LIPA: variants seen among roughly 807,000 people sequenced by gnomAD.
LIPA encodes lipase A, lysosomal acid type, also known as lysosomal acid lipase/cholesteryl ester hydrolase.
A neutral mutation model predicts 40.6 loss-of-function variants in LIPA; 26 were observed. The ratio of observed to expected loss-of-function variants is 0.64; its 90% CI spans 0.47 to 0.89. The LOEUF is 0.89. Among genes scored for constraint, LIPA ranks in the 40% least tolerant of loss-of-function variants. LIPA has a pLI of 0.00. For synonymous variants in LIPA, 188 were observed against 168.4 expected (o/e 1.12, Z -0.90); for missense variants, 455 against 479.6 (o/e 0.95, Z 0.48).
In LIPA at chr10:89,215,995, T is replaced by C; in HGVS notation, c.909A>G (p.Gln303=). 6.2e-7 allele frequency: 1 copy of C among 1,610,258 alleles called. No individual in the cohort carries two copies. Among genetic ancestry groups the C allele is most frequent in the Non-Finnish European group, 8.5e-7 (1 of 1,176,440 alleles). The change falls in exon 9 of 10, where the codon CAA becomes CAG. Residue 303 remains glutamine, a synonymous_variant. Coordinates refer to ENST00000336233, the MANE Select transcript of LIPA (RefSeq NM_000235.4). Reference sequence around the variant, plus strand: ...TTCCCCAGTCAAAGGCTTGAAACTTTTGGAATTTAACAGCCTAAAAAGAAG... The same window carrying C: ...TTCCCCAGTCAAAGGCTTGAAACTTCTGGAATTTAACAGCCTAAAAAGAAG... ...MLHWSQAVKF[Q]KFQAFDWGSS...
chr10:89,350,681 GAAAC>G (rs1347006276), intron 2 of LIPA, among the ~76,000 whole-genome samples: 2 of 152,116 alleles, frequency 1.3e-5, no homozygotes, highest in Non-Finnish European at 2.9e-5. Flanking sequence ...ACAGAAGAGA[GAAAC>G]AAAGGCAGTT....
intron 2 of LIPA, among the ~76,000 whole-genome samples, chr10:89,357,091 A>G (rs990658353): frequency 1.3e-5 from 2 of 152,198 alleles, no homozygotes; most frequent in Non-Finnish European, 2.9e-5. Flanking sequence ...AAACTCAGGC[A>G]TGGTTGAAAG....
chr10:89,367,759 G>A (rs1844069812), intron 2 of LIPA, among the ~76,000 whole-genome samples: 2 of 152,150 alleles, frequency 1.3e-5, no homozygotes, highest in South Asian at 4.1e-4. Context: ...GTGTATTTGG[G>A]TAATTACTGC....
At chr10:89,289,414 C>T (rs1414406797) in intron 1 of LIPA, among the ~76,000 whole-genome samples, 3 of 152,150 alleles carry the variant, frequency 2.0e-5, no homozygotes, top group African/African-American at 7.2e-5. Context: ...ACACACTAAG[C>T]TCGGGGATTT....
intron 1 of LIPA, among the ~76,000 whole-genome samples, chr10:89,329,297 G>A (rs1391755816): frequency 1.3e-5 from 2 of 152,170 alleles, no homozygotes; most frequent in Non-Finnish European, 2.9e-5. Flanking sequence ...TCAGTATATA[G>A]AATACCCTTT....
chr10:89,379,879 C>G (rs1307463653), intron 2 of LIPA, among the ~76,000 whole-genome samples: 2 of 151,900 alleles, frequency 1.3e-5, no homozygotes, highest in Non-Finnish European at 1.5e-5. Context: ...CTAAAAAATA[C>G]AAAAAATTAG....
At chr10:89,277,643 C>G (rs1589586495) in intron 1 of LIPA, among the ~76,000 whole-genome samples, 1 of 152,246 alleles carries the variant, frequency 6.6e-6, no homozygotes, top group East Asian at 1.9e-4. Flanking sequence ...ACAGAGAATA[C>G]AGAAAACAAC....
At chr10:89,407,010 G>A (rs777518992) in intron 2 of LIPA, among the ~76,000 whole-genome samples, 66 of 152,126 alleles carry the variant, frequency 4.3e-4, no homozygotes, top group African/African-American at 1.6e-3. Context: ...CTAAAGACAC[G>A]GGTGTCAGGC....
At chr10:89,343,759 C>T (rs1843892553), upstream of LIPA, among the ~76,000 whole-genome samples, 1 of 152,108 alleles carries the variant, frequency 6.6e-6, no homozygotes, top group African/African-American at 2.4e-5. Context: ...TGGGGCCTCC[C>T]GATTGCCATA....
intron 2 of LIPA, among the ~76,000 whole-genome samples, chr10:89,358,467 T>C (rs967510577): frequency 1.3e-5 from 2 of 152,218 alleles, no homozygotes; most frequent in African/African-American, 2.4e-5. Context: ...CAAAGCGATA[T>C]CTGTATTCTC....
chr10:89,241,823 A>G (rs1249119114), intron 3 of LIPA, among the ~76,000 whole-genome samples: 2 of 152,162 alleles, frequency 1.3e-5, no homozygotes, highest in Non-Finnish European at 2.9e-5. Flanking sequence ...TATAAAATAT[A>G]TATTGTGCCT....
intron 1 of LIPA, among the ~76,000 whole-genome samples, chr10:89,267,749 TA>T (rs55980603): frequency 0.12 from 15,802 of 135,312 alleles, 1,438 homozygotes; most frequent in African/African-American, 0.26. Context: ...AAAAGAAACT[TA>T]AAAAAAAAAA....
chr10:89,324,515 C>G (rs892658948), intron 1 of LIPA, among the ~76,000 whole-genome samples: 5 of 152,150 alleles, frequency 3.3e-5, no homozygotes, highest in African/African-American at 1.2e-4. Flanking sequence ...CAAAAATTGA[C>G]AAACGGGACC....
At position 89,373,334 on chromosome 10, in the gene LIPA, CAAAAA is replaced by C. The variant is rs34479360; in HGVS notation, c.61+39452_61+39456del. Among the ~76,000 whole-genome samples, 4 of 63,152 alleles carry C rather than the reference CAAAAA, an allele frequency of 6.3e-5. No homozygotes were observed. In the East Asian group the frequency reaches 1.6e-3, roughly 26 times the overall value. The allele number at this position is 63,152 out of a possible 152,430, so 41.4% of individuals were successfully genotyped here. On this transcript the variant is annotated intron_variant, in intron 2 of 8. Transcript: ENST00000371837. ...TGGGCGACAGAGCGAGACTCCCTCT[CAAAAA>C]AAAAAAAAAAAAAAAAAAACTGGAA...
At chr10:89,414,670 G>A (rs1010199312), upstream of LIPA, 1 of 1,080,638 alleles carries the variant, frequency 9.3e-7, no homozygotes, top group South Asian at 1.7e-5. Context: ...CGAGTCCAGG[G>A]GCTGCAGAGG....
At position 89,258,511 on chromosome 10, in the gene LIPA, C is replaced by G. The variant is rs1306888797; in HGVS notation, c.-1-10862G>C. On this transcript the variant is annotated intron_variant, in intron 1 of 5. Transcript: ENST00000282673. ...ACCATGATGAGATACCACTTCATACCCACTAGGATAGCTATAATAAAAAAT... is the reference window on the plus strand; with the variant it reads ...ACCATGATGAGATACCACTTCATACGCACTAGGATAGCTATAATAAAAAAT... 2.6e-5 allele frequency among the ~76,000 whole-genome samples: 4 copies of G among 152,166 alleles called. No homozygotes were observed. In the East Asian group the frequency reaches 7.7e-4, roughly 29 times the overall value.
Position 89,373,532 on chromosome 10 carries a change from C to G in LIPA, c.61+39259G>C, listed in dbSNP as rs1844104999. Among the ~76,000 whole-genome samples, 5 of 151,950 alleles carry G rather than the reference C, an allele frequency of 3.3e-5. No individual in the cohort carries two copies. In the South Asian group the frequency reaches 1.0e-3, roughly 32 times the overall value. On this transcript the variant is annotated intron_variant, in intron 2 of 8. Transcript: ENST00000371837. ...GCAAGTTTGCAAACATGAGTAGTCTCAAAAGCAAACATCAGACACTCTCTG... is the reference window on the plus strand; with the variant it reads ...GCAAGTTTGCAAACATGAGTAGTCTGAAAAGCAAACATCAGACACTCTCTG...
chr10:89,224,020 C>T (rs1842735679), intron 6 of LIPA, among the ~76,000 whole-genome samples, 190 bp from the exon 7 acceptor site: 1 of 152,208 alleles, frequency 6.6e-6, no homozygotes, highest in Non-Finnish European at 1.5e-5. Context: ...TCACACACTA[C>T]AGAGGTGTAT....
chr10:89,238,281 G>A (rs531290341), intron 3 of LIPA, among the ~76,000 whole-genome samples: 60 of 152,302 alleles, frequency 3.9e-4, no homozygotes, highest in Non-Finnish European at 7.1e-4. Context: ...ATGGAGACGA[G>A]TGCTTCTAAA....
Sources: gnomAD v4.1 joint callset for allele counts (sites outside exome capture counted in the v4.1 genomes callset) on GRCh38, gnomAD v4.1.1 for gene constraint, MANE v1.5 for transcripts, NCBI Gene and HGNC (gene_info 2026-07-23, HGNC 2026-07-21) for gene names.